Variants in LIPG observed in about 807,000 individuals in gnomAD.
LIPG encodes endothelial lipase.
A neutral mutation model predicts 51.8 loss-of-function variants in LIPG; 34 were observed. The observed-to-expected ratio is 0.66, with a 90% CI of 0.50 to 0.87. The LOEUF is 0.87. Among genes scored for constraint, LIPG ranks in the 40% least tolerant of loss-of-function variants. The pLI is 0.00. For synonymous variants in LIPG, 246 were observed against 246.1 expected (o/e 1.00, Z 0.00); for missense variants, 580 against 652.7 (o/e 0.89, Z 1.21).
At chr18:49,565,700 T>C (rs1356610636) in intron 2 of LIPG, among the ~76,000 whole-genome samples, 1 of 152,184 alleles carries the variant, frequency 6.6e-6, no homozygotes. Flanking sequence ...GTGGTATTAA[T>C]GATGGCATAC....
chr18:49,562,030 T>C, upstream of LIPG: 10 of 1,431,158 alleles, frequency 7.0e-6, no homozygotes, highest in Non-Finnish European at 9.1e-6. Flanking sequence ...CCCATACTTT[T>C]AAAAACTACC....
In LIPG at chr18:49,590,715, G is replaced by A. The variant is rs1035553833; in HGVS notation, c.*193G>A. On this transcript the variant is annotated 3_prime_UTR_variant, in exon 10 of 10. Transcript: ENST00000261292. ...AGGGGACTGCGCTGCTATAGCTCTT[G>A]CTGCCTCTCTTGAATAGCTCTAACT... 1.5e-6 allele frequency: 1 copy of A among 655,604 alleles called. No homozygotes were observed. Among genetic ancestry groups the A allele is most frequent in the African/African-American group, 1.8e-5 (1 of 56,090 alleles). 40.6% of individuals were successfully genotyped at this position (655,604 alleles called of 1,614,324 possible).
chr18:49,594,451 T>G lies in LIPG; in HGVS notation c.*3929T>G, dbSNP rs1460622213. The G allele has an allele frequency of 6.6e-6, 1 of 152,174 alleles. No homozygotes were observed. Among genetic ancestry groups the G allele is most frequent in the Non-Finnish European group, 1.5e-5 (1 of 68,020 alleles). 9.4% of individuals were successfully genotyped at this position (152,174 alleles called of 1,614,324 possible). ...GGCCCAGCCACTAGCTGTAATTTTG[T>G]ATCTTTTAACAATTCCGTCCCTATT... On this transcript the variant is annotated 3_prime_UTR_variant, in exon 10 of 10. Coordinates refer to ENST00000261292, the MANE Select transcript of LIPG (RefSeq NM_006033.4).
intron 9 of LIPG, among the ~76,000 whole-genome samples, chr18:49,589,113 T>C (rs1457158135): frequency 6.6e-6 from 1 of 152,176 alleles, no homozygotes; most frequent in African/African-American, 2.4e-5. Context: ...AGTGCTCAGA[T>C]GAATCACCTC....
chr18:49,579,784 T>A, intron 5 of LIPG, among the ~76,000 whole-genome samples: 1 of 72,416 alleles, frequency 1.4e-5, no homozygotes, highest in South Asian at 4.6e-4. Flanking sequence ...TTTTCTTTTC[T>A]TTTCTTTTCT....
In LIPG at chr18:49,581,503, CT is replaced by C. The variant is rs1429364262; in HGVS notation, c.884del (p.Phe295SerfsTer15). The stretch of plus-strand genomic sequence containing the variant: ...TGAATCAGGACAAGCCGAGTTTTGC[CT>C]TCCAGTGCACTGACTCCAATCGCTT... ...LVNQDKPSFA[F>X]QCTDSNRFKK... is the part of the protein sequence containing the mutation. On this transcript the variant is annotated frameshift_variant, in exon 6 of 10. Coordinates refer to ENST00000261292, the MANE Select transcript of LIPG (RefSeq NM_006033.4). LOFTEE classifies it high-confidence loss of function. The C allele has an allele frequency of 1.2e-6, 2 of 1,614,068 alleles. No homozygotes were observed. Among genetic ancestry groups the C allele is most frequent in the Non-Finnish European group, 1.7e-6 (2 of 1,180,054 alleles).
In LIPG at chr18:49,592,485, C is replaced by G. The variant is rs187765727; in HGVS notation, c.*1963C>G. ...CACATAGCCTGAGGGTAATTTTATACGATATTTTAAATAGTTGTGTACATG... is the reference window on the plus strand; with the variant it reads ...CACATAGCCTGAGGGTAATTTTATAGGATATTTTAAATAGTTGTGTACATG... On this transcript the variant is annotated 3_prime_UTR_variant, in exon 10 of 10. Transcript: ENST00000261292. The G allele has an allele frequency of 6.6e-6, 1 of 152,142 alleles. No homozygotes were observed. Among genetic ancestry groups the G allele is most frequent in the Admixed American group, 6.5e-5 (1 of 15,276 alleles). 9.4% of individuals were successfully genotyped at this position (152,142 alleles called of 1,614,324 possible).
chr18:49,564,247 C>T (rs781523872), intron 1 of LIPG, among the ~76,000 whole-genome samples: 3 of 152,156 alleles, frequency 2.0e-5, no homozygotes, highest in African/African-American at 7.2e-5. Context: ...GGCATCTTTC[C>T]CTGCTGGGTG....
rs1304822451 is a variant in LIPG at position 49,562,137 on chromosome 18, C to A, written c.-172C>A. On this transcript the variant is annotated 5_prime_UTR_variant, in exon 1 of 10. Transcript: ENST00000261292. ...GCAAGCCGTTGACACTCGCTCCCTGCCACCGCCCGGGCTCCGTGCCGCCAA... is the reference window on the plus strand; with the variant it reads ...GCAAGCCGTTGACACTCGCTCCCTGACACCGCCCGGGCTCCGTGCCGCCAA... 1 of 1,465,806 alleles carries A rather than the reference C, an allele frequency of 6.8e-7. No homozygotes were observed. The highest frequency in any genetic ancestry group is 1.4e-5 in the South Asian group (1 of 70,374). 90.8% of individuals were successfully genotyped at this position (1,465,806 alleles called of 1,614,324 possible). A position where few individuals can be genotyped will look rare whatever the true frequency, so the allele number is the denominator to read the frequency against.
chr18:49,569,680 C>T lies in LIPG; in HGVS notation c.571+132C>T, dbSNP rs566280639. The T allele has an allele frequency of 1.4e-3, 1,080 of 796,344 alleles. 5 individuals carry two copies. The highest frequency in any genetic ancestry group is 5.7e-4 in the Non-Finnish European group (276 of 481,362). The allele number at this position is 796,344 out of a possible 1,614,324, so 49.3% of individuals were successfully genotyped here. Reference sequence around the variant, plus strand: ...CTGGAAAGCATCTAATTCAAAACTTCCCAAGCGTTTTTAGTCACAAGAAAC... The same window carrying T: ...CTGGAAAGCATCTAATTCAAAACTTTCCAAGCGTTTTTAGTCACAAGAAAC... On this transcript the variant is annotated intron_variant, in intron 4 of 9. Coordinates refer to ENST00000261292, the MANE Select transcript of LIPG (RefSeq NM_006033.4).
At position 49,597,373 on chromosome 18, in the gene LIPG, A is replaced by C. The variant is rs2084988009; in HGVS notation, c.*6851A>C. On this transcript the variant is annotated 3_prime_UTR_variant, in exon 10 of 10. Coordinates refer to ENST00000261292, the MANE Select transcript of LIPG (RefSeq NM_006033.4). ...TTTCCATGGCAGCAACGGTTGCCAT[A>C]GAGAGGTGAAGAGAGGTGTCGGTGC... 6.6e-6 allele frequency: 1 copy of C among 152,234 alleles called. No homozygotes were observed. The highest frequency in any genetic ancestry group is 2.4e-5 in the African/African-American group (1 of 41,462). The allele number at this position is 152,234 out of a possible 1,614,324, so 9.4% of individuals were successfully genotyped here. A position where few individuals can be genotyped will look rare whatever the true frequency, so the allele number is the denominator to read the frequency against.
Position 49,583,651 on chromosome 18 carries a change from GGGCC to G in LIPG, c.1254_1257del (p.Ala419LeufsTer25), listed in dbSNP as rs781157720. 6.2e-7 allele frequency: 1 copy of G among 1,614,170 alleles called. No individual in the cohort carries two copies. Among genetic ancestry groups the G allele is most frequent in the Non-Finnish European group, 8.5e-7 (1 of 1,180,014 alleles). ...TTGAAGATCCAGCTCACCTGGGAGG[GGGCC>G]TCTCAGTCTTGGTACAACCTGTGGA... On this transcript the variant is annotated frameshift_variant, in exon 8 of 10. Coordinates refer to ENST00000261292, the MANE Select transcript of LIPG (RefSeq NM_006033.4). LOFTEE classifies it high-confidence loss of function.
At chr18:49,573,666 G>A (rs2084686275) in intron 4 of LIPG, among the ~76,000 whole-genome samples, 1 of 152,248 alleles carries the variant, frequency 6.6e-6, no homozygotes, top group East Asian at 1.9e-4. Context: ...TGAGTAATGA[G>A]TTCTGCAAGT....
At position 49,565,460 on chromosome 18, in the gene LIPG, A is replaced by G; in HGVS notation, c.241A>G (p.Met81Val). ...GCCCTTAGAAGACTGCAGTTTCAAC[A>G]TGACAGCTAAAACCTTTTTCATCAT... ...SQPLEDCSFN[M>V]TAKTFFIIHG... is the part of the protein sequence containing the mutation. Residue 81 changes from methionine to valine, a missense_variant, in exon 2 of 10, where the codon ATG (methionine) becomes GTG (valine). Physicochemically the swap from Met to Val is conservative, Grantham distance 21. Transcript: ENST00000261292. 2 of 1,614,248 alleles carry G rather than the reference A, an allele frequency of 1.2e-6. No individual in the cohort carries two copies.
intron 9 of LIPG, 30 bp from the exon 10 acceptor site, chr18:49,590,471 C>G: frequency 6.3e-7 from 1 of 1,594,542 alleles, no homozygotes; most frequent in East Asian, 2.3e-5. Flanking sequence ...TGTGAGCTAA[C>G]AAATGCCACT....
chr18:49,583,791 C>A lies in LIPG; in HGVS notation c.1376+17C>A. The A allele has an allele frequency of 6.3e-7, 1 of 1,594,222 alleles. No homozygotes were observed. Among genetic ancestry groups the A allele is most frequent in the South Asian group, 1.1e-5 (1 of 88,986 alleles). ...CCAGCGGAAGTAAGTGCCTCCTGCT[C>A]CTTCTTCTGCCTGGTGTAGGTGGGG... On this transcript the variant is annotated intron_variant, in intron 8 of 9. Transcript: ENST00000261292.
chr18:49,576,746 C>G (rs888968204), intron 5 of LIPG, among the ~76,000 whole-genome samples: 1 of 152,104 alleles, frequency 6.6e-6, no homozygotes, highest in African/African-American at 2.4e-5. Context: ...GCTGGGATTA[C>G]AGGTGTGAGC....
At chr18:49,589,299 ACTCAGTCTAG>A (rs770922412) in intron 9 of LIPG, 8 of 152,104 alleles carry the variant, frequency 5.3e-5, no homozygotes, top group Non-Finnish European at 1.0e-4. Flanking sequence ...TAATTAAGGG[ACTCAGTCTAG>A]CGTAGGCTCG....
At chr18:49,584,094 T>C (rs1184601976) in intron 8 of LIPG, among the ~76,000 whole-genome samples, 2 of 151,816 alleles carry the variant, frequency 1.3e-5, no homozygotes, top group Non-Finnish European at 2.9e-5. Flanking sequence ...TTTTTAGGAG[T>C]GCTGCCTTGT....
Sources: allele counts gnomAD v4.1 joint callset (sites outside exome capture counted in the v4.1 genomes callset), GRCh38; gene constraint gnomAD v4.1.1; transcripts MANE v1.5; gene names NCBI Gene and HGNC (gene_info 2026-07-23, HGNC 2026-07-21).